PPM1E: variants seen among roughly 807,000 people sequenced by gnomAD.
PPM1E encodes protein phosphatase 1E.
PPM1E carries 20 observed loss-of-function variants against 65.9 expected under a neutral mutation model. The observed-to-expected ratio is 0.30, with a 90% CI of 0.21 to 0.44. The LOEUF is 0.44. PPM1E is among the 20% of genes least tolerant of loss of function. The probability of loss-of-function intolerance (pLI) is 1.00; values close to 1 mark genes in which losing one functional copy is unlikely to be tolerated. For synonymous variants in PPM1E, 352 were observed against 374.9 expected (o/e 0.94, Z 0.70); for missense variants, 713 against 953.1 (o/e 0.75, Z 3.32).
At chr17:58,853,392 AC>A (rs2050848844) in intron 1 of PPM1E, among the ~76,000 whole-genome samples, 1 of 152,074 alleles carries the variant, frequency 6.6e-6, no homozygotes, top group Admixed American at 6.6e-5. Context: ...TGGTCTTGAC[AC>A]CCTTGTCAAA....
At chr17:58,928,948 C>T (rs924141697) in intron 1 of PPM1E, among the ~76,000 whole-genome samples, 6 of 152,122 alleles carry the variant, frequency 3.9e-5, no homozygotes, top group Non-Finnish European at 5.9e-5. Flanking sequence ...AGGTGATCCA[C>T]CCGCCTCGGC....
intron 1 of PPM1E, among the ~76,000 whole-genome samples, chr17:58,786,348 C>T (rs1370408486): frequency 6.6e-6 from 1 of 152,140 alleles, no homozygotes. Context: ...TTTATGGCTT[C>T]TCTTTAGCAT....
At chr17:58,870,392 G>A (rs543125600) in intron 1 of PPM1E, among the ~76,000 whole-genome samples, 1 of 152,174 alleles carries the variant, frequency 6.6e-6, no homozygotes, top group East Asian at 1.9e-4. Context: ...TGTTATATGG[G>A]TATATTGTGT....
chr17:58,955,824 G>A, intron 2 of PPM1E, 57 bp downstream of exon 2: 1 of 1,492,992 alleles, frequency 6.7e-7, no homozygotes, highest in South Asian at 1.4e-5. Context: ...ATATGTAGTG[G>A]TCCACAGAAA....
Position 58,781,139 on chromosome 17 carries a change from C to CT in PPM1E, c.464+24697dup, listed in dbSNP as rs35359689. 5.1e-3 allele frequency among the ~76,000 whole-genome samples: 630 copies of CT among 123,096 alleles called. 3 individuals carry two copies. The highest frequency in any genetic ancestry group is 7.9e-3 in the African/African-American group (266 of 33,860). 80.8% of individuals were successfully genotyped at this position (123,096 alleles called of 152,430 possible). A position where few individuals can be genotyped will look rare whatever the true frequency, so the allele number is the denominator to read the frequency against. On this transcript the variant is annotated intron_variant, in intron 1 of 6. Transcript: ENST00000308249. ...AATATTTAAATAAAAGTGCAGATGT[C>CT]TTTTTTTTTTTTTTTTTTTGAAACG...
In PPM1E at chr17:58,980,098, G is replaced by A. The variant is rs745366783; in HGVS notation, c.1335G>A (p.Glu445=). ...DGFYDTVNPD[E]AVKVVSDHLK... is the part of the protein sequence containing the mutation. ...TCTATGACACCGTGAACCCTGATGAGGCAGTGAAAGTTGTGTCCGACCACC... is the reference window on the plus strand; with the variant it reads ...TCTATGACACCGTGAACCCTGATGAAGCAGTGAAAGTTGTGTCCGACCACC... The change falls in exon 7 of 7, where the codon GAG becomes GAA. Residue 445 remains glutamate, a synonymous_variant. Coordinates refer to ENST00000308249, the MANE Select transcript of PPM1E (RefSeq NM_014906.5). This position sits in a 1 kb window ranked among gnomAD's most constrained non-coding sequence, Gnocchi z 4.7. 1.9e-6 allele frequency: 3 copies of A among 1,614,006 alleles called. No individual in the cohort carries two copies. The African/African-American group carries it at 4.0e-5, about 22-fold the overall frequency.
At chr17:58,886,683 A>G (rs942491291) in intron 1 of PPM1E, among the ~76,000 whole-genome samples, 10 of 152,232 alleles carry the variant, frequency 6.6e-5, no homozygotes, top group African/African-American at 1.7e-4. Flanking sequence ...TACACTCTGA[A>G]CATCCATACA....
At chr17:58,903,096 G>C (rs2051516783) in intron 1 of PPM1E, among the ~76,000 whole-genome samples, 1 of 152,170 alleles carries the variant, frequency 6.6e-6, no homozygotes, top group Non-Finnish European at 1.5e-5. Flanking sequence ...AAAACAAATA[G>C]GAGATGGGCC....
intron 1 of PPM1E, among the ~76,000 whole-genome samples, chr17:58,772,497 A>G (rs922714088): frequency 1.3e-4 from 20 of 151,932 alleles, no homozygotes; most frequent in African/African-American, 3.6e-4. Context: ...TTTTATGGGG[A>G]CACTGAGACA....
intron 1 of PPM1E, among the ~76,000 whole-genome samples, chr17:58,770,031 AAAC>A (rs572541684): frequency 3.5e-4 from 54 of 152,168 alleles, no homozygotes; most frequent in East Asian, 1.9e-3. Context: ...TATCTAAAAA[AAAC>A]AACAACAACA....
At chr17:58,838,869 A>C (rs2050689451) in intron 1 of PPM1E, among the ~76,000 whole-genome samples, 1 of 152,234 alleles carries the variant, frequency 6.6e-6, no homozygotes, top group Non-Finnish European at 1.5e-5. Flanking sequence ...AGGAGATATT[A>C]AACCAGGAAA....
In PPM1E at chr17:58,918,704, G is replaced by A. The variant is rs563590804; in HGVS notation, c.465-36945G>A. 4.0e-5 allele frequency among the ~76,000 whole-genome samples: 6 copies of A among 151,342 alleles called. No homozygotes were observed. The East Asian group carries it at 1.2e-3, about 30-fold the overall frequency. Reference sequence around the variant, plus strand: ...ACTTGTAGTCCCAGCTACTCGGGAGGCTGAGGCAGGAGAATTGCTTGAACC... The same window carrying A: ...ACTTGTAGTCCCAGCTACTCGGGAGACTGAGGCAGGAGAATTGCTTGAACC... On this transcript the variant is annotated intron_variant, in intron 1 of 6. Coordinates refer to ENST00000308249, the MANE Select transcript of PPM1E (RefSeq NM_014906.5).
At chr17:58,811,320 T>G (rs1410140024) in intron 1 of PPM1E, among the ~76,000 whole-genome samples, 1 of 152,214 alleles carries the variant, frequency 6.6e-6, no homozygotes, top group African/African-American at 2.4e-5. Context: ...ATTAATATTT[T>G]TATTTAATTC....
intron 1 of PPM1E, among the ~76,000 whole-genome samples, chr17:58,872,449 C>T (rs1336449212): frequency 6.6e-6 from 1 of 152,164 alleles, no homozygotes; most frequent in African/African-American, 2.4e-5. Context: ...TTGGTAGCAG[C>T]GTTCCAGTTG....
At chr17:58,930,790 G>C (rs1301656783) in intron 1 of PPM1E, among the ~76,000 whole-genome samples, 1 of 152,148 alleles carries the variant, frequency 6.6e-6, no homozygotes, top group Non-Finnish European at 1.5e-5. Flanking sequence ...AATTAACCAA[G>C]TGTTTAAAAG....
chr17:58,757,619 G>A (rs2049781826), intron 1 of PPM1E, among the ~76,000 whole-genome samples: 1 of 152,148 alleles, frequency 6.6e-6, no homozygotes, highest in African/African-American at 2.4e-5. Context: ...AAAGCCTAAA[G>A]AAAAGAAGGG....
chr17:58,928,232 C>A (rs2051848769), intron 1 of PPM1E, among the ~76,000 whole-genome samples: 1 of 151,398 alleles, frequency 6.6e-6, no homozygotes. Flanking sequence ...ACCCTGTTTC[C>A]AAAAGAAAAA....
chr17:58,758,432 G>T (rs754525152), intron 1 of PPM1E, among the ~76,000 whole-genome samples: 6 of 151,828 alleles, frequency 4.0e-5, no homozygotes, highest in Non-Finnish European at 8.8e-5. Context: ...GGAGGCTGAG[G>T]CAGGAGAATC....
intron 6 of PPM1E, among the ~76,000 whole-genome samples, chr17:58,973,400 G>A (rs964694256): frequency 2.1e-5 from 3 of 144,350 alleles, no homozygotes; most frequent in Non-Finnish European, 3.0e-5. Flanking sequence ...CTGGGTGACA[G>A]TGTGAGACTG....
Sources: allele counts gnomAD v4.1 joint callset (sites outside exome capture counted in the v4.1 genomes callset), GRCh38; gene constraint gnomAD v4.1.1; non-coding constraint Gnocchi (gnomAD v3.1); transcripts MANE v1.5; gene names NCBI Gene and HGNC (gene_info 2026-07-23, HGNC 2026-07-21).